Variants in ZAN observed in about 807,000 individuals in gnomAD.
The protein encoded by ZAN is zonadhesin (gene/pseudogene).
Under a neutral mutation model 286.2 loss-of-function variants are expected in ZAN, and 260 were observed. The ratio of observed to expected loss-of-function variants is 0.91; its 90% CI spans 0.82 to 1.01. The LOEUF is 1.01. ZAN is among the 50% of genes least tolerant of loss of function. The probability of loss-of-function intolerance (pLI) is 0.00; values close to 1 mark genes in which losing one functional copy is unlikely to be tolerated. For missense variants in ZAN, 3,410 were observed against 3,639.2 expected (o/e 0.94, Z 1.62); for synonymous variants, 1,368 against 1,417.5 (o/e 0.97, Z 0.79).
chr7:100,758,701 G>T, intron 17 of ZAN, 51 bp downstream of exon 17: 1 of 1,539,550 alleles, frequency 6.5e-7, no homozygotes. Flanking sequence ...TGTGGGCAGC[G>T]CTGCTAGGCA....
chr7:100,793,753 C>T lies in ZAN; in HGVS notation c.7788-67C>T, dbSNP rs538607049. ...GTGCCCAGCCTACTCTGAGTTTTATCGGGTGACCTTGCCCCTGTTTGGCCT... is the reference window on the plus strand; with the variant it reads ...GTGCCCAGCCTACTCTGAGTTTTATTGGGTGACCTTGCCCCTGTTTGGCCT... On this transcript the variant is annotated intron_variant, in intron 42 of 47. Transcript: ENST00000613979. 7.3e-4 allele frequency: 1,097 copies of T among 1,500,136 alleles called. 3 individuals are homozygous for T. The highest frequency in any genetic ancestry group is 6.8e-3 in the Middle Eastern group (38 of 5,594). 92.9% of individuals were successfully genotyped at this position (1,500,136 alleles called of 1,614,324 possible). A position where few individuals can be genotyped will look rare whatever the true frequency, so the allele number is the denominator to read the frequency against.
Position 100,756,033 on chromosome 7 carries a change from G to C in ZAN, c.3309+623G>C, listed in dbSNP as rs192476671. Among the ~76,000 whole-genome samples the C allele has an allele frequency of 3.9e-3, 588 of 152,178 alleles. 4 individuals carry two copies. Among genetic ancestry groups the C allele is most frequent in the African/African-American group, 0.013 (549 of 41,524 alleles). On this transcript the variant is annotated intron_variant, in intron 15 of 47. Transcript: ENST00000613979. ...GCCCCGCAAGTAGCTGGGATAACAG[G>C]CTCACGCCACCACCCTGGCTAATTT...
chr7:100,791,729 T>A (rs2116328377), intron 40 of ZAN, among the ~76,000 whole-genome samples: 1 of 150,968 alleles, frequency 6.6e-6, no homozygotes, highest in South Asian at 2.1e-4. Flanking sequence ...ATTTCTTTTT[T>A]TAAAATATAT....
At position 100,734,633 on chromosome 7, in the gene ZAN, A is replaced by C. The variant is rs1476533791; in HGVS notation, c.53+412A>C. On this transcript the variant is annotated intron_variant, in intron 2 of 47. Transcript: ENST00000613979. The stretch of plus-strand genomic sequence containing the variant: ...GACTCCGTCTCAAAAAAAAAAAAAC[A>C]AAAAAAAAGACCTTGAGAGGAAGGG... Among the ~76,000 whole-genome samples the C allele has an allele frequency of 1.5e-5, 2 of 135,700 alleles. 1 individual carries two copies. Among genetic ancestry groups the C allele is most frequent in the Non-Finnish European group, 3.3e-5 (2 of 60,922 alleles). The allele number at this position is 135,700 out of a possible 152,430, so 89.0% of individuals were successfully genotyped here. A position where few individuals can be genotyped will look rare whatever the true frequency, so the allele number is the denominator to read the frequency against.
intron 3 of ZAN, among the ~76,000 whole-genome samples, chr7:100,735,980 C>T (rs1807266237): frequency 7.1e-6 from 1 of 141,192 alleles, no homozygotes; most frequent in Admixed American, 7.1e-5. Context: ...ATTCTGTCCA[C>T]TCTCCCAGCC....
chr7:100,773,870 G>A lies in ZAN; in HGVS notation c.5779+5G>A. 6.3e-7 allele frequency: 1 copy of A among 1,599,184 alleles called. No individual in the cohort carries two copies. The highest frequency in any genetic ancestry group is 1.1e-5 in the South Asian group (1 of 88,604). ...TGCTCCATTGTCGGGCCTCAGGTAG[G>A]AGGACCACGGTGATGGGGGGACTCC... On this transcript the variant is annotated splice_donor_5th_base_variant and intron_variant, in intron 31 of 47. Coordinates refer to ENST00000613979, the MANE Select transcript of ZAN (RefSeq NM_003386.3).
At chr7:100,739,111 A>C (rs1340458616) in intron 7 of ZAN, among the ~76,000 whole-genome samples, 1 of 131,178 alleles carries the variant, frequency 7.6e-6, no homozygotes. Flanking sequence ...TCCTGGGTTT[A>C]AGCAATTCTC....
chr7:100,751,668 T>A, intron 13 of ZAN, 44 bp from the exon 14 acceptor site: 1 of 1,533,160 alleles, frequency 6.5e-7, no homozygotes, highest in Non-Finnish European at 8.7e-7. Context: ...AGGGTGGTGG[T>A]ATGGTTTTGA....
In ZAN at chr7:100,763,900, A is replaced by G; in HGVS notation, c.4081A>G (p.Thr1361Ala). Residue 1361 changes from threonine to alanine, a missense_variant, in exon 21 of 48, where the codon ACT (threonine) becomes GCT (alanine). This residue lies in a region of ZAN where 1,042 missense variants were observed against 1,058.0 expected (regional missense o/e 0.98). Coordinates refer to ENST00000613979, the MANE Select transcript of ZAN (RefSeq NM_003386.3). The surrounding 1 kb of genome is among the most constrained non-coding windows in gnomAD (Gnocchi z 4.6). Reference protein sequence around the residue: ...GPGFCGRLVDTHGPFETCLLH... With the variant: ...GPGFCGRLVDAHGPFETCLLH... ...AGGGTTCTGTGGACGGCTGGTCGACACTCATGGCCCATTTGAGTATGAAGG... is the reference window on the plus strand; with the variant it reads ...AGGGTTCTGTGGACGGCTGGTCGACGCTCATGGCCCATTTGAGTATGAAGG... The G allele has an allele frequency of 1.2e-6, 2 of 1,613,950 alleles. No homozygotes were observed. Among genetic ancestry groups the G allele is most frequent in the Non-Finnish European group, 1.7e-6 (2 of 1,179,874 alleles).
At chr7:100,738,871 T>TTCTTCTTCTC in intron 7 of ZAN, among the ~76,000 whole-genome samples, 1 of 23,704 alleles carries the variant, frequency 4.2e-5, no homozygotes, top group Non-Finnish European at 8.9e-5. Context: ...TTCCTCTTCT[T>TTCTTCTTCTC]CTTCTCCCTC....
At chr7:100,773,666 G>A in intron 30 of ZAN, 55 bp from the exon 31 acceptor site, 1 of 1,577,748 alleles carries the variant, frequency 6.3e-7, no homozygotes, top group Non-Finnish European at 8.6e-7. Flanking sequence ...TGGGGCGTTG[G>A]CCCATCTCCC....
rs1327433447 is a variant in ZAN, at chr7:100,775,537, G to A, written c.5989G>A (p.Asp1997Asn). The A allele has an allele frequency of 9.3e-6, 15 of 1,613,800 alleles. No individual in the cohort carries two copies. The highest frequency in any genetic ancestry group is 1.6e-4 in the Middle Eastern group (1 of 6,084). ...TCATGAGGTCTACATTGACATCTAC[G>A]ATGCCCAGGTCACCCTGCAGAAGGG... ...RLHEVYIDIY[D>N]AQVTLQKGHR... Residue 1997 changes from aspartate to asparagine, a missense_variant, in exon 32 of 48, where the codon GAT becomes AAT. Around this residue, in one of 7 missense-constraint regions of ZAN, gnomAD observed 1,289 missense variants for 1,314.3 expected, o/e 0.98. Transcript: ENST00000613979.
chr7:100,778,285 T>C (rs1403645941), intron 34 of ZAN, among the ~76,000 whole-genome samples: 1 of 152,050 alleles, frequency 6.6e-6, no homozygotes, highest in Non-Finnish European at 1.5e-5. Context: ...CCAGCCTGGA[T>C]GACAGAGCAA....
In ZAN at chr7:100,774,027, A is replaced by G. The variant is rs147904891; in HGVS notation, c.5779+162A>G. ...TGGGTAAGATGACCTCCAACTGCTG[A>G]GAAGGGAACCTTGGGGCTCACCCAT... On this transcript the variant is annotated intron_variant, in intron 31 of 47. Transcript: ENST00000613979. 7.2e-5 allele frequency among the ~76,000 whole-genome samples: 11 copies of G among 152,196 alleles called. No homozygotes were observed. In the East Asian group the frequency reaches 2.1e-3, roughly 29 times the overall value.
intron 9 of ZAN, 57 bp downstream of exon 9, chr7:100,747,698 A>G: frequency 6.6e-7 from 1 of 1,513,652 alleles, no homozygotes; most frequent in South Asian, 1.1e-5. Flanking sequence ...CAATGTTGAA[A>G]TAAATTGAGG....
Position 100,773,275 on chromosome 7 carries a change from T to C in ZAN, c.5426-10T>C, listed in dbSNP as rs1226510375. ...CACCCCACTCTTCCTAATGCTCTCA[T>C]TTTCTTTAGCTATGAGGTGCCCACC... On this transcript the variant is annotated splice_polypyrimidine_tract_variant and intron_variant, in intron 29 of 47. Transcript: ENST00000613979. 1 of 1,611,816 alleles carries C rather than the reference T, an allele frequency of 6.2e-7. No homozygotes were observed. Among genetic ancestry groups the C allele is most frequent in the Non-Finnish European group, 8.5e-7 (1 of 1,179,860 alleles).
Position 100,765,483 on chromosome 7 carries a change from G to C in ZAN, c.4399G>C (p.Val1467Leu). The change falls in exon 23 of 48, where the codon GTC becomes CTC. Residue 1467 changes from valine to leucine, a missense_variant. By Grantham distance (32) the Val-to-Leu change is conservative. This residue lies in a region of ZAN where 1,042 missense variants were observed against 1,058.0 expected (regional missense o/e 0.98). Coordinates refer to ENST00000613979, the MANE Select transcript of ZAN (RefSeq NM_003386.3). ...VEACECNPGF[V>L]LSGLECIPRS... Reference sequence around the variant, plus strand: ...GGCCTGTGAATGCAATCCGGGCTTCGTCCTCAGTGGCCTCGAGTGCATACC... The same window carrying C: ...GGCCTGTGAATGCAATCCGGGCTTCCTCCTCAGTGGCCTCGAGTGCATACC... 1 of 1,612,936 alleles carries C rather than the reference G, an allele frequency of 6.2e-7. No individual in the cohort carries two copies. Among genetic ancestry groups the C allele is most frequent in the East Asian group, 2.2e-5 (1 of 44,840 alleles).
Position 100,736,580 on chromosome 7 carries a change from GC to G in ZAN, c.207del (p.Ser70LeufsTer107). 6.6e-7 allele frequency: 1 copy of G among 1,523,000 alleles called. No individual in the cohort carries two copies. Among genetic ancestry groups the G allele is most frequent in the Non-Finnish European group, 9.0e-7 (1 of 1,107,480 alleles). The allele number at this position is 1,523,000 out of a possible 1,614,324, so 94.3% of individuals were successfully genotyped here. On this transcript the variant is annotated frameshift_variant, in exon 4 of 48. Transcript: ENST00000613979. LOFTEE classifies it high-confidence loss of function. ...DDEDWVRASGPSPTGSTGAPG... is the reference protein window; with the variant it reads ...DDEDWVRASGXSPTGSTGAPG... ...ATGAAGACTGGGTTCGAGCCAGTGG[GC>G]CCTCTCCCACCGGCTCCACCGGGGC...
intron 17 of ZAN, 112 bp from the exon 18 acceptor site, chr7:100,759,609 C>A: frequency 7.3e-7 from 1 of 1,366,718 alleles, no homozygotes; most frequent in Non-Finnish European, 9.6e-7. Context: ...GACTTTGGGG[C>A]TGGTGTCTCG....
Sources: gnomAD v4.1 joint callset for allele counts (sites outside exome capture counted in the v4.1 genomes callset) on GRCh38, gnomAD v4.1.1 for gene constraint, gnomAD v4.1.1 regional missense constraint, Gnocchi (gnomAD v3.1) non-coding constraint, MANE v1.5 for transcripts, NCBI Gene and HGNC (gene_info 2026-07-23, HGNC 2026-07-21) for gene names.